The following C10orf90 variants were observed in gnomAD, a reference collection of about 807,000 sequenced individuals.
C10orf90 encodes (E2-independent) E3 ubiquitin-conjugating enzyme FATS.
C10orf90 carries 56 observed loss-of-function variants against 62.5 expected under a neutral mutation model. That is an observed-to-expected ratio of 0.90 (90% CI 0.72 to 1.12). C10orf90 has a LOEUF of 1.12. C10orf90 is among the 50% of genes most tolerant of loss of function. The pLI, the probability that C10orf90 is intolerant of heterozygous loss-of-function variation, is 0.00. For missense variants in C10orf90, 970 were observed against 880.4 expected, an observed-to-expected ratio of 1.10 and a Z score of -1.29; for synonymous variants, 386 against 340.4, an observed-to-expected ratio of 1.13 and a Z score of -1.47.
intron 7 of C10orf90, among the ~76,000 whole-genome samples, chr10:126,439,099 A>G (rs550577165): frequency 6.6e-6 from 1 of 152,324 alleles, no homozygotes; most frequent in African/African-American, 2.4e-5. Context: ...TCCTGGTGGT[A>G]GAAAAAGCAA....
At chr10:126,558,715 T>C (rs770500588) in intron 2 of C10orf90, among the ~76,000 whole-genome samples, 7 of 152,240 alleles carry the variant, frequency 4.6e-5, no homozygotes, top group Non-Finnish European at 7.3e-5. Context: ...GTTGGAACAC[T>C]TCTATGTTAC....
chr10:126,645,587 C>CT (rs1176827104), intron 2 of C10orf90, among the ~76,000 whole-genome samples: 2 of 142,672 alleles, frequency 1.4e-5, no homozygotes, highest in African/African-American at 5.3e-5. Context: ...GAGACCCTGC[C>CT]TAAAAAAAAA....
chr10:126,587,157 A>G (rs568603368), intron 2 of C10orf90, among the ~76,000 whole-genome samples: 44 of 152,334 alleles, frequency 2.9e-4, no homozygotes, highest in African/African-American at 1.1e-3. Flanking sequence ...AGGGACATCC[A>G]GAGGCCTTAC....
chr10:126,550,058 C>T (rs1460208014), intron 2 of C10orf90, among the ~76,000 whole-genome samples: 6 of 151,376 alleles, frequency 4.0e-5, no homozygotes, highest in Admixed American at 4.0e-4. Flanking sequence ...CGGGTTCAAG[C>T]AATTCTCCTG....
intron 2 of C10orf90, among the ~76,000 whole-genome samples, chr10:126,549,656 C>T (rs942709621): frequency 3.3e-5 from 5 of 151,940 alleles, no homozygotes; most frequent in Admixed American, 6.6e-5. Context: ...AACAGTTTCA[C>T]TCATGGACAC....
intron 7 of C10orf90, among the ~76,000 whole-genome samples, chr10:126,451,901 A>C (rs1859226908): frequency 6.6e-6 from 1 of 152,174 alleles, no homozygotes; most frequent in Non-Finnish European, 1.5e-5. Flanking sequence ...AGTAGAGAGT[A>C]GAATGTTGGT....
intron 2 of C10orf90, among the ~76,000 whole-genome samples, chr10:126,579,824 G>A (rs376565539): frequency 6.6e-5 from 10 of 151,630 alleles, no homozygotes; most frequent in Admixed American, 1.3e-4. Flanking sequence ...GGTACTTTTC[G>A]TGCATTAACC....
At chr10:126,565,426 T>TATATATA (rs1844359820) in intron 2 of C10orf90, among the ~76,000 whole-genome samples, 2 of 57,210 alleles carry the variant, frequency 3.5e-5, no homozygotes, top group Admixed American at 6.0e-4. Flanking sequence ...TTATATATAT[T>TATATATA]ATATATATTA....
chr10:126,564,855 TA>T lies in C10orf90; in HGVS notation c.314-50917del, dbSNP rs1317832958. Reference sequence around the variant, plus strand: ...CTCTATATATATATTATATATTATATAAAATATATATTATATATAATATATA... The same window carrying T: ...CTCTATATATATATTATATATTATATAAATATATATTATATATAATATATA... On this transcript the variant is annotated intron_variant, in intron 2 of 9. Coordinates refer to ENST00000488181, the MANE Select transcript of C10orf90 (RefSeq NM_001350921.2). Among the ~76,000 whole-genome samples the T allele has an allele frequency of 8.6e-5, 2 of 23,330 alleles. 1 individual carries two copies. Among genetic ancestry groups the T allele is most frequent in the South Asian group, 3.5e-3 (2 of 572 alleles). The allele number at this position is 23,330 out of a possible 152,430, so 15.3% of individuals were successfully genotyped here.
At chr10:126,579,062 G>GGTT (rs374059573) in intron 2 of C10orf90, among the ~76,000 whole-genome samples, 3 of 143,410 alleles carry the variant, frequency 2.1e-5, no homozygotes, top group African/African-American at 8.0e-5. Context: ...TCAATTAAAA[G>GGTT]TTTTTTTTTA....
chr10:126,659,732 T>C (rs904283896), intron 1 of C10orf90, among the ~76,000 whole-genome samples: 3 of 152,224 alleles, frequency 2.0e-5, no homozygotes, highest in Non-Finnish European at 4.4e-5. Flanking sequence ...CTAGAGCTGT[T>C]ACCTGTTTGT....
intron 2 of C10orf90, among the ~76,000 whole-genome samples, chr10:126,572,318 C>T (rs1844523268): frequency 6.6e-6 from 1 of 152,090 alleles, no homozygotes; most frequent in Non-Finnish European, 1.5e-5. Flanking sequence ...TGGGTTCTTG[C>T]ATCTTGCGCA....
intron 2 of C10orf90, among the ~76,000 whole-genome samples, chr10:126,541,162 G>C (rs1465060437): frequency 6.6e-6 from 1 of 151,968 alleles, no homozygotes; most frequent in Non-Finnish European, 1.5e-5. Flanking sequence ...TAACAGACTG[G>C]AAGAAAATAC....
chr10:126,475,267 G>A (rs1047056591), intron 4 of C10orf90, among the ~76,000 whole-genome samples: 1 of 152,134 alleles, frequency 6.6e-6, no homozygotes, highest in Non-Finnish European at 1.5e-5. Flanking sequence ...TCTAGGGAGG[G>A]CCCCAGCTAG....
intron 5 of C10orf90, among the ~76,000 whole-genome samples, chr10:126,464,463 C>T (rs953718468): frequency 1.3e-5 from 2 of 152,176 alleles, no homozygotes; most frequent in African/African-American, 4.8e-5. Flanking sequence ...CAAGGGAGTA[C>T]TGGCCTTGCC....
intron 2 of C10orf90, among the ~76,000 whole-genome samples, chr10:126,602,482 G>A (rs1845216772): frequency 6.6e-6 from 1 of 152,140 alleles, no homozygotes; most frequent in South Asian, 2.1e-4. Flanking sequence ...TCATAACAGG[G>A]TGGTTCCACT....
rs1295988669 is a variant in C10orf90 at position 126,620,533 on chromosome 10, T to C, written c.313+26032A>G. On this transcript the variant is annotated intron_variant, in intron 2 of 9. Transcript: ENST00000488181. ...GGACACAGTCTTGTTTAAAAGAATG[T>C]CATTCATTAATGCTAAAGGAATTTC... Among the ~76,000 whole-genome samples the C allele has an allele frequency of 2.6e-5, 4 of 152,350 alleles. No individual in the cohort carries two copies. The South Asian group carries it at 8.3e-4, about 32-fold the overall frequency.
chr10:126,487,142 C>CAAAAAAAAAAAAAAAAA (rs1158481155), intron 4 of C10orf90, among the ~76,000 whole-genome samples: 15 of 29,460 alleles, frequency 5.1e-4, no homozygotes, highest in African/African-American at 6.9e-4. Context: ...AAAACTCTGT[C>CAAAAAAAAAAAAAAAAA]AAAAAAAAAA....
In C10orf90 at chr10:126,576,708, T is replaced by C. The variant is rs12260099; in HGVS notation, c.314-62769A>G. On this transcript the variant is annotated intron_variant, in intron 2 of 9. Transcript: ENST00000488181. ...ACATATACATGTATATGTATATGTATATATATACAAGATATACATATATAT... is the reference window on the plus strand; with the variant it reads ...ACATATACATGTATATGTATATGTACATATATACAAGATATACATATATAT... Among the ~76,000 whole-genome samples the C allele has an allele frequency of 1.5e-4, 5 of 34,440 alleles. 2 individuals carry two copies. Among genetic ancestry groups the C allele is most frequent in the Non-Finnish European group, 2.9e-4 (5 of 16,978 alleles). The allele number at this position is 34,440 out of a possible 152,430, so 22.6% of individuals were successfully genotyped here.
Sources: gnomAD v4.1 joint callset for allele counts (sites outside exome capture counted in the v4.1 genomes callset) on GRCh38, gnomAD v4.1.1 for gene constraint, MANE v1.5 for transcripts, NCBI Gene and HGNC (gene_info 2026-07-23, HGNC 2026-07-21) for gene names.